Variants in FSTL5 observed in about 807,000 individuals in gnomAD.
The protein encoded by FSTL5 is follistatin-related protein 5.
A neutral mutation model predicts 89.1 loss-of-function variants in FSTL5; 62 were observed. The observed-to-expected ratio is 0.70, with a 90% confidence interval of 0.57 to 0.86. The LOEUF is 0.86. Among genes scored for constraint, FSTL5 ranks in the 40% least tolerant of loss-of-function variants. The pLI is 0.00. For missense variants in FSTL5, 1,057 were observed against 1,001.6 expected (o/e 1.06, Z -0.75); for synonymous variants, 383 against 346.2 (o/e 1.11, Z -1.18).
intron 4 of FSTL5, among the ~76,000 whole-genome samples, chr4:161,782,563 G>T (rs915581354): frequency 6.6e-6 from 1 of 151,962 alleles, no homozygotes; most frequent in African/African-American, 2.4e-5. Flanking sequence ...AATTTGAATT[G>T]GTTTAATTTA....
chr4:161,496,794 AG>A (rs1730094213), intron 12 of FSTL5, among the ~76,000 whole-genome samples: 1 of 140,364 alleles, frequency 7.1e-6, no homozygotes, highest in Non-Finnish European at 1.5e-5. Flanking sequence ...AAAAAGATAG[AG>A]ATAGAGATAG....
At chr4:161,487,491 C>T (rs1193692291) in intron 12 of FSTL5, among the ~76,000 whole-genome samples, 3 of 152,098 alleles carry the variant, frequency 2.0e-5, no homozygotes, top group Admixed American at 6.5e-5. Flanking sequence ...TGTATGTGAT[C>T]AGTAGACCTA....
At chr4:162,073,107 C>A (rs1729694538) in intron 2 of FSTL5, among the ~76,000 whole-genome samples, 1 of 151,734 alleles carries the variant, frequency 6.6e-6, no homozygotes, top group Non-Finnish European at 1.5e-5. Flanking sequence ...CTCTAATCTG[C>A]ATGAGCCAAT....
At chr4:161,817,509 T>C (rs1393016767) in intron 4 of FSTL5, among the ~76,000 whole-genome samples, 1 of 152,218 alleles carries the variant, frequency 6.6e-6, no homozygotes, top group Non-Finnish European at 1.5e-5. Flanking sequence ...TAATGGCTCC[T>C]CAGGGTAAAT....
intron 1 of FSTL5, among the ~76,000 whole-genome samples, chr4:162,113,441 C>T (rs915772970): frequency 6.6e-6 from 1 of 152,172 alleles, no homozygotes; most frequent in African/African-American, 2.4e-5. Flanking sequence ...CACATCCTCG[C>T]TAGTCTTCCA....
intron 8 of FSTL5, among the ~76,000 whole-genome samples, chr4:161,547,908 T>C (rs1313595829): frequency 6.6e-6 from 1 of 151,892 alleles, no homozygotes; most frequent in Non-Finnish European, 1.5e-5. Flanking sequence ...ATATTTCATA[T>C]ATTTTAAGAT....
intron 15 of FSTL5, among the ~76,000 whole-genome samples, chr4:161,440,828 G>T (rs984740987): frequency 1.3e-5 from 2 of 152,078 alleles, no homozygotes; most frequent in Non-Finnish European, 2.9e-5. Context: ...TAGGATTGAT[G>T]TTTACATTTT....
chr4:161,786,470 C>A (rs900549273), intron 4 of FSTL5, among the ~76,000 whole-genome samples: 2 of 152,098 alleles, frequency 1.3e-5, no homozygotes, highest in Non-Finnish European at 2.9e-5. Context: ...TAAGCACAGT[C>A]AACCTTTGAG....
intron 2 of FSTL5, among the ~76,000 whole-genome samples, chr4:162,103,465 T>A (rs1310926646): frequency 2.6e-5 from 4 of 152,200 alleles, no homozygotes; most frequent in Admixed American, 2.6e-4. Flanking sequence ...TCAATGTGTA[T>A]TGGTAGCCAG....
intron 5 of FSTL5, among the ~76,000 whole-genome samples, chr4:161,762,937 G>A (rs1304375758): frequency 6.6e-6 from 1 of 152,098 alleles, no homozygotes; most frequent in Non-Finnish European, 1.5e-5. Flanking sequence ...ACACAGCATG[G>A]AACAGGGAGT....
At chr4:161,469,784 C>T (rs1244857533) in intron 13 of FSTL5, among the ~76,000 whole-genome samples, 1 of 151,806 alleles carries the variant, frequency 6.6e-6, no homozygotes, top group Non-Finnish European at 1.5e-5. Flanking sequence ...ACTACAGGCG[C>T]CCACCACCAC....
rs114923281 is a variant in FSTL5 at position 162,150,349 on chromosome 4, C to T, written c.-17+13266G>A. 1.0e-3 allele frequency among the ~76,000 whole-genome samples: 153 copies of T among 152,192 alleles called. 1 individual carries two copies. Among genetic ancestry groups the T allele is most frequent in the African/African-American group, 3.6e-3 (149 of 41,530 alleles). ...TGTCTGAGGCAGTATGGGCTGTAAC[C>T]TCCCAGAAACCTTGATGTCAGCTTG... On this transcript the variant is annotated intron_variant, in intron 1 of 15. Transcript: ENST00000306100.
At chr4:161,790,495 A>G (rs1729432921) in intron 4 of FSTL5, among the ~76,000 whole-genome samples, 1 of 152,220 alleles carries the variant, frequency 6.6e-6, no homozygotes, top group Non-Finnish European at 1.5e-5. Context: ...ATACAGTGTT[A>G]CAGTAACTCT....
chr4:161,645,857 T>C (rs780963592), intron 7 of FSTL5, among the ~76,000 whole-genome samples: 1 of 152,062 alleles, frequency 6.6e-6, no homozygotes, highest in African/African-American at 2.4e-5. Flanking sequence ...GAATCAGTGA[T>C]AAAAATTATG....
chr4:162,032,607 G>A (rs1371172938), intron 3 of FSTL5: 1 of 152,046 alleles, frequency 6.6e-6, no homozygotes, highest in East Asian at 1.9e-4. Context: ...ACCCAACATG[G>A]AAAATAATAT....
chr4:161,432,345 T>G (rs1431725390), intron 15 of FSTL5, among the ~76,000 whole-genome samples: 1 of 152,044 alleles, frequency 6.6e-6, no homozygotes, highest in African/African-American at 2.4e-5. Context: ...AACAATATGC[T>G]CCTGAATGAG....
At chr4:161,762,910 A>AT (rs1740857068) in intron 5 of FSTL5, among the ~76,000 whole-genome samples, 1 of 152,162 alleles carries the variant, frequency 6.6e-6, no homozygotes, top group Admixed American at 6.5e-5. Context: ...AATGGATGGC[A>AT]TCAGGGGAGT....
At chr4:161,802,732 G>A (rs1729838242) in intron 4 of FSTL5, among the ~76,000 whole-genome samples, 1 of 151,564 alleles carries the variant, frequency 6.6e-6, no homozygotes, top group African/African-American at 2.4e-5. Context: ...TTGAACAGAG[G>A]AGCTCCATTT....
chr4:162,152,881 C>A (rs1408706981), intron 1 of FSTL5, among the ~76,000 whole-genome samples: 2 of 147,464 alleles, frequency 1.4e-5, no homozygotes, highest in Non-Finnish European at 3.0e-5. Context: ...AAAAAAAAAA[C>A]CGACAACATA....
Sources: gnomAD v4.1 joint callset for allele counts (sites outside exome capture counted in the v4.1 genomes callset) on GRCh38, gnomAD v4.1.1 for gene constraint, MANE v1.5 for transcripts, NCBI Gene and HGNC (gene_info 2026-07-23, HGNC 2026-07-21) for gene names.